The following TSPEAR variants were observed in gnomAD, a reference collection of about 807,000 sequenced individuals.
TSPEAR encodes the protein thrombospondin type laminin G domain and EAR repeats.
A neutral mutation model predicts 71.6 loss-of-function variants in TSPEAR; 69 were observed. The observed-to-expected ratio is 0.96, with a 90% CI of 0.79 to 1.18. The LOEUF is 1.18. Among genes scored for constraint, TSPEAR ranks in the 50% most tolerant of loss-of-function variants. The pLI is 0.00. For synonymous variants in TSPEAR, 402 were observed against 387.2 expected, an observed-to-expected ratio of 1.04 and a Z score of -0.45; for missense variants, 971 against 894.9, an observed-to-expected ratio of 1.09 and a Z score of -1.09.
intron 1 of TSPEAR, among the ~76,000 whole-genome samples, chr21:44,572,732 A>G (rs782287044): frequency 1.3e-5 from 2 of 151,790 alleles, no homozygotes; most frequent in Admixed American, 6.6e-5. Flanking sequence ...ATGTGACCCT[A>G]TATGGAAATA....
rs28784094 is a variant in TSPEAR, at chr21:44,546,705, C to T, written c.304-12782G>A. ...GTTGGTTTCCCCTGCCGCTGTACCCCAAGCCAGCATGTGAAATATGTCATC... is the reference window on the plus strand; with the variant it reads ...GTTGGTTTCCCCTGCCGCTGTACCCTAAGCCAGCATGTGAAATATGTCATC... On this transcript the variant is annotated intron_variant, in intron 2 of 11. Coordinates refer to ENST00000323084, the MANE Select transcript of TSPEAR (RefSeq NM_144991.3). The surrounding 1 kb of genome is among the most constrained non-coding windows in gnomAD (Gnocchi z 4.4). Among the ~76,000 whole-genome samples, 6,002 of 152,268 alleles carry T rather than the reference C, an allele frequency of 0.039. 369 individuals carry two copies. Among genetic ancestry groups the T allele is most frequent in the African/African-American group, 0.13 (5,585 of 41,522 alleles).
chr21:44,586,174 C>T (rs587721801), intron 1 of TSPEAR, among the ~76,000 whole-genome samples: 15 of 152,370 alleles, frequency 9.8e-5, no homozygotes, highest in Non-Finnish European at 1.5e-4. Flanking sequence ...CAGTTAAAGA[C>T]GCCTGAGTGC....
At chr21:44,629,938 C>G (rs978294663) in intron 1 of TSPEAR, among the ~76,000 whole-genome samples, 42 of 152,244 alleles carry the variant, frequency 2.8e-4, no homozygotes, top group African/African-American at 1.0e-3. Flanking sequence ...ACAGGCCACA[C>G]AGGGATGGGT....
At chr21:44,516,780 G>A (rs587744740) in intron 9 of TSPEAR, among the ~76,000 whole-genome samples, 23 of 152,124 alleles carry the variant, frequency 1.5e-4, no homozygotes, top group Non-Finnish European at 2.4e-4. Context: ...ATCACAGGAC[G>A]GGTTCACCTG....
intron 2 of TSPEAR, chr21:44,540,209 T>G: frequency 6.3e-7 from 1 of 1,583,124 alleles, no homozygotes; most frequent in Non-Finnish European, 8.6e-7. Flanking sequence ...TGGGAGTCAG[T>G]GTGTGTGTGA....
intron 1 of TSPEAR, among the ~76,000 whole-genome samples, chr21:44,586,434 CCAAA>C (rs1385797768): frequency 2.0e-5 from 3 of 152,126 alleles, no homozygotes; most frequent in East Asian, 3.9e-4. Flanking sequence ...AGTAGCCAGC[CCAAA>C]CAGAGGGCTT....
intron 1 of TSPEAR, among the ~76,000 whole-genome samples, chr21:44,640,257 A>G (rs1251671073): frequency 1.3e-5 from 2 of 152,274 alleles, no homozygotes; most frequent in Non-Finnish European, 2.9e-5. Flanking sequence ...ACAGGCTACA[A>G]CATGCATGAG....
intron 8 of TSPEAR, among the ~76,000 whole-genome samples, chr21:44,524,402 G>A (rs1407921183): frequency 6.6e-6 from 1 of 151,968 alleles, no homozygotes; most frequent in African/African-American, 2.4e-5. Flanking sequence ...GGGAGAGTCA[G>A]GTAATTAGGT....
chr21:44,589,944 T>C (rs1253329791), intron 1 of TSPEAR, among the ~76,000 whole-genome samples: 3 of 152,198 alleles, frequency 2.0e-5, no homozygotes, highest in Admixed American at 2.0e-4. Flanking sequence ...GAAGAAAACA[T>C]CTCTGCCCCT....
chr21:44,509,030 C>G (rs2052278979), intron 10 of TSPEAR, 169 bp downstream of exon 10: 1 of 1,413,234 alleles, frequency 7.1e-7, no homozygotes, highest in Admixed American at 2.0e-5. Flanking sequence ...CAGGAAAGTC[C>G]CCAGGCCATT....
At chr21:44,554,015 G>A (rs1253361728) in intron 2 of TSPEAR, among the ~76,000 whole-genome samples, 3 of 152,122 alleles carry the variant, frequency 2.0e-5, no homozygotes, top group Non-Finnish European at 4.4e-5. Context: ...ATCCCTCTTG[G>A]AAAAAATGCT....
chr21:44,663,585 A>G (rs587681977), intron 1 of TSPEAR, among the ~76,000 whole-genome samples: 236 of 152,274 alleles, frequency 1.5e-3, no homozygotes, highest in African/African-American at 5.2e-3. Context: ...GAAAGGAATC[A>G]TTCCCGATTA....
intron 1 of TSPEAR, among the ~76,000 whole-genome samples, chr21:44,581,820 T>C (rs1378475981): frequency 6.6e-6 from 1 of 152,252 alleles, no homozygotes; most frequent in African/African-American, 2.4e-5. Context: ...GGACATCAGT[T>C]AAGCTCTGCT....
intron 2 of TSPEAR, among the ~76,000 whole-genome samples, chr21:44,562,233 T>C (rs1327900235): frequency 6.6e-6 from 1 of 152,124 alleles, no homozygotes; most frequent in African/African-American, 2.4e-5. Flanking sequence ...CATTCACAAT[T>C]GCTACAAAGG....
intron 9 of TSPEAR, chr21:44,517,767 C>T: frequency 4.2e-6 from 2 of 471,238 alleles, no homozygotes; most frequent in Non-Finnish European, 8.8e-6. Context: ...ACTGAGCCCT[C>T]CTACCTCCTG....
chr21:44,697,983 C>T, intron 1 of TSPEAR: 1 of 1,580,098 alleles, frequency 6.3e-7, no homozygotes, highest in Non-Finnish European at 8.6e-7. Context: ...CAGGCATGTC[C>T]CCCAGGGCCA....
rs1216255898 is a variant in TSPEAR at position 44,593,824 on chromosome 21, G to A, written c.83-25819C>T. ...CAGTGGCTAAACACGCACTGGCCCC[G>A]CGATGAGGATGAGCAAGGTTCAAAC... On this transcript the variant is annotated intron_variant, in intron 1 of 11. Transcript: ENST00000323084. The surrounding 1 kb of genome is among the most constrained non-coding windows in gnomAD (Gnocchi z 5.9). 2.6e-5 allele frequency among the ~76,000 whole-genome samples: 4 copies of A among 152,200 alleles called. No individual in the cohort carries two copies. Among genetic ancestry groups the A allele is most frequent in the Non-Finnish European group, 5.9e-5 (4 of 68,044 alleles).
intron 1 of TSPEAR, among the ~76,000 whole-genome samples, chr21:44,670,507 C>G (rs1217259123): frequency 6.6e-6 from 1 of 152,172 alleles, no homozygotes; most frequent in Non-Finnish European, 1.5e-5. Flanking sequence ...GCTGGCCCAG[C>G]TAGAATCAGT....
rs1425061610 is a variant in TSPEAR, at chr21:44,504,734, G to A, written c.1856+46C>T. 2.9e-6 allele frequency: 4 copies of A among 1,391,632 alleles called. No homozygotes were observed. The East Asian group carries it at 9.1e-5, about 32-fold the overall frequency. The allele number at this position is 1,391,632 out of a possible 1,614,324, so 86.2% of individuals were successfully genotyped here. A position where few individuals can be genotyped will look rare whatever the true frequency, so the allele number is the denominator to read the frequency against. On this transcript the variant is annotated intron_variant, in intron 11 of 11. Coordinates refer to ENST00000323084, the MANE Select transcript of TSPEAR (RefSeq NM_144991.3). ...AGGCCGGCCTCGGTGAGCCCACAGT[G>A]GGGAAGCAAGGCTCTGGGAGGAGGC...
Sources: gnomAD v4.1 joint callset for allele counts (sites outside exome capture counted in the v4.1 genomes callset) on GRCh38, gnomAD v4.1.1 for gene constraint, Gnocchi (gnomAD v3.1) non-coding constraint, MANE v1.5 for transcripts, NCBI Gene and HGNC (gene_info 2026-07-23, HGNC 2026-07-21) for gene names.